GRHPR: variants seen among roughly 807,000 people sequenced by gnomAD.
GRHPR encodes the protein glyoxylate and hydroxypyruvate reductase, also known as glyoxylate reductase/hydroxypyruvate reductase.
A neutral mutation model predicts 36.8 loss-of-function variants in GRHPR; 35 were observed. That is an observed-to-expected ratio of 0.95 (90% CI 0.73 to 1.26). The LOEUF (loss-of-function observed/expected upper bound fraction) is 1.26, where lower values mean the gene tolerates loss of function less well. GRHPR is among the 50% of genes most tolerant of loss of function. The pLI, the probability that GRHPR is intolerant of heterozygous loss-of-function variation, is 0.00. For synonymous variants in GRHPR, 179 were observed against 181.0 expected, an observed-to-expected ratio of 0.99 and a Z score of 0.09; for missense variants, 380 against 435.0, an observed-to-expected ratio of 0.87 and a Z score of 1.12.
chr9:37,428,177 A>G, intron 4 of GRHPR: 1 of 506,334 alleles, frequency 2.0e-6, no homozygotes, highest in Non-Finnish European at 3.6e-6. Flanking sequence ...TGTTGCTCTC[A>G]ACTCTTCCCT....
chr9:37,439,041 A>C (rs1018533076), downstream of GRHPR: 1 of 152,232 alleles, frequency 6.6e-6, no homozygotes, highest in African/African-American at 2.4e-5. Flanking sequence ...AATTTATCTG[A>C]TTTATGAATG....
Position 37,426,562 on chromosome 9 carries a change from A to G in GRHPR, c.312A>G (p.Pro104=), listed in dbSNP as rs1319737321. 12 of 1,613,044 alleles carry G rather than the reference A, an allele frequency of 7.4e-6. No homozygotes were observed. The highest frequency in any genetic ancestry group is 1.0e-5 in the Non-Finnish European group (12 of 1,178,998). ...KKRGIRVGYT[P]DVLTDTTAEL... ...GTGGGATCCGAGTTGGCTACACCCC[A>G]GATGTCCTGACAGATACCACCGCCG... The change falls in exon 4 of 9, where the codon CCA becomes CCG. Residue 104 remains proline (P), a synonymous_variant. Transcript: ENST00000318158.
In GRHPR at chr9:37,430,601, T is replaced by G; in HGVS notation, c.689T>G (p.Phe230Cys). The change falls in exon 7 of 9, where the codon TTC (phenylalanine) becomes TGC (cysteine). Residue 230 changes from phenylalanine to cysteine, a missense_variant. Coordinates refer to ENST00000318158, the MANE Select transcript of GRHPR (RefSeq NM_012203.2). ...PATEGLCNKD[F>C]FQKMKETAVF... Reference sequence around the variant, plus strand: ...ACCGAGGGACTCTGCAACAAGGACTTCTTCCAGAAGATGAAGGAAACAGCT... The same window carrying G: ...ACCGAGGGACTCTGCAACAAGGACTGCTTCCAGAAGATGAAGGAAACAGCT... The G allele has an allele frequency of 6.2e-7, 1 of 1,613,950 alleles. No homozygotes were observed. The highest frequency in any genetic ancestry group is 1.3e-5 in the African/African-American group (1 of 75,042).
chr9:37,428,339 G>A (rs760096588), intron 4 of GRHPR, 145 bp from the exon 5 acceptor site: 16 of 618,258 alleles, frequency 2.6e-5, no homozygotes, highest in African/African-American at 1.3e-4. Context: ...CTGCAGTGCC[G>A]AGTGGCAGTG....
At chr9:37,436,624 CTTCTT>C (rs767852031) in intron 8 of GRHPR, 32 bp from the exon 9 acceptor site, 11 of 1,609,148 alleles carry the variant, frequency 6.8e-6, no homozygotes, top group Admixed American at 1.7e-5. Flanking sequence ...CTGAACCACC[CTTCTT>C]ATCTCCCTCT....
intron 8 of GRHPR, chr9:37,432,446 G>A: frequency 2.8e-6 from 1 of 352,652 alleles, no homozygotes; most frequent in Admixed American, 3.8e-5. Flanking sequence ...TTGGGAGGCT[G>A]AGGTGGGTGG....
chr9:37,425,359 C>A (rs1823030735), intron 2 of GRHPR, among the ~76,000 whole-genome samples: 1 of 152,254 alleles, frequency 6.6e-6, no homozygotes, highest in Non-Finnish European at 1.5e-5. Context: ...GGATGTCTTT[C>A]CTCAACCGCA....
intron 8 of GRHPR, among the ~76,000 whole-genome samples, chr9:37,435,941 G>T (rs577000434): frequency 6.6e-6 from 1 of 152,122 alleles, no homozygotes; most frequent in Non-Finnish European, 1.5e-5. Context: ...CCCAGCTGAC[G>T]GTTCTTTGGG....
intron 2 of GRHPR, among the ~76,000 whole-genome samples, chr9:37,425,617 C>T (rs937409501): frequency 1.4e-4 from 21 of 152,178 alleles, no homozygotes; most frequent in Admixed American, 1.1e-3. Flanking sequence ...GAGGCCCCAG[C>T]GTGGCTAAAG....
At chr9:37,429,342 A>C (rs938123526) in intron 5 of GRHPR, 3 of 319,928 alleles carry the variant, frequency 9.4e-6, no homozygotes, top group African/African-American at 6.4e-5. Context: ...GGGGTCTGAG[A>C]CTGCATTCAC....
chr9:37,424,190 C>T (rs898130670), intron 1 of GRHPR, among the ~76,000 whole-genome samples: 1 of 152,208 alleles, frequency 6.6e-6, no homozygotes, highest in Non-Finnish European at 1.5e-5. Context: ...CAGTAGCTCA[C>T]GCTGTACCCT....
chr9:37,436,298 C>T (rs535397058), intron 8 of GRHPR, among the ~76,000 whole-genome samples: 3 of 152,148 alleles, frequency 2.0e-5, no homozygotes, highest in Non-Finnish European at 2.9e-5. Flanking sequence ...TTTGTAGAGA[C>T]GGGGTTTTGC....
At chr9:37,423,676 T>G (rs1276133500) in intron 1 of GRHPR, among the ~76,000 whole-genome samples, 1 of 151,912 alleles carries the variant, frequency 6.6e-6, no homozygotes, top group Non-Finnish European at 1.5e-5. Context: ...GGTCTCACTG[T>G]GTTGCCCAGG....
chr9:37,429,523 C>G (rs1823247163), intron 5 of GRHPR: 1 of 641,296 alleles, frequency 1.6e-6, no homozygotes, highest in Admixed American at 2.2e-5. Context: ...GAGGTGCTGT[C>G]TCCAGATCCC....
At chr9:37,432,187 A>C in intron 8 of GRHPR, 49 bp downstream of exon 8, 1 of 1,596,200 alleles carries the variant, frequency 6.3e-7, no homozygotes, top group Non-Finnish European at 8.6e-7. Flanking sequence ...CTGCAGGACC[A>C]GTGTTTTTGA....
chr9:37,422,727 T>C lies in GRHPR; in HGVS notation c.-24T>C. 1 of 1,546,342 alleles carries C rather than the reference T, an allele frequency of 6.5e-7. No individual in the cohort carries two copies. The highest frequency in any genetic ancestry group is 8.8e-7 in the Non-Finnish European group (1 of 1,139,384). Reference sequence around the variant, plus strand: ...CCGGGCCAGCTTCTGTACTGCCAGGTCCGGGTCGGCGGCTGCACTGCGGAT... The same window carrying C: ...CCGGGCCAGCTTCTGTACTGCCAGGCCCGGGTCGGCGGCTGCACTGCGGAT... On this transcript the variant is annotated 5_prime_UTR_variant, in exon 1 of 9. Coordinates refer to ENST00000318158, the MANE Select transcript of GRHPR (RefSeq NM_012203.2).
chr9:37,430,957 C>G, intron 7 of GRHPR: 2 of 520,314 alleles, frequency 3.8e-6, no homozygotes, highest in Non-Finnish European at 7.7e-6. Flanking sequence ...TCCTCCACCA[C>G]AAAGGGCTGG....
At chr9:37,423,342 AT>A (rs35417895) in intron 1 of GRHPR, among the ~76,000 whole-genome samples, 64,565 of 146,454 alleles carry the variant, frequency 0.44, 15,778 homozygotes, top group Non-Finnish European at 0.58. Context: ...TAATTTTCTG[AT>A]TTTTTTTTTG....
chr9:37,426,101 G>C (rs894593200), intron 3 of GRHPR, 107 bp downstream of exon 3: 17 of 797,676 alleles, frequency 2.1e-5, no homozygotes, highest in Middle Eastern at 6.1e-4. Flanking sequence ...CATTCAGGGA[G>C]AATGTGAGGT....
Sources: allele counts gnomAD v4.1 joint callset (sites outside exome capture counted in the v4.1 genomes callset), GRCh38; gene constraint gnomAD v4.1.1; transcripts MANE v1.5; gene names NCBI Gene and HGNC (gene_info 2026-07-23, HGNC 2026-07-21).